The following VPS33A variants were observed in gnomAD, a reference collection of about 807,000 sequenced individuals.
VPS33A encodes VPS33A core subunit of CORVET and HOPS complexes.
VPS33A carries 32 observed loss-of-function variants against 71.8 expected under a neutral mutation model. The observed-to-expected ratio is 0.45, with a 90% confidence interval of 0.34 to 0.60. The LOEUF (loss-of-function observed/expected upper bound fraction) is 0.60, where lower values mean the gene tolerates loss of function less well. Among genes scored for constraint, VPS33A ranks in the 20% least tolerant of loss-of-function variants. The pLI, the probability that VPS33A is intolerant of heterozygous loss-of-function variation, is 0.02. For synonymous variants in VPS33A, 311 were observed against 292.7 expected, an observed-to-expected ratio of 1.06 and a Z score of -0.64; for missense variants, 625 against 748.5, an observed-to-expected ratio of 0.84 and a Z score of 1.92.
At position 122,232,661 on chromosome 12, in the gene VPS33A, A is replaced by G. The variant is rs549404707; in HGVS notation, c.1609+139T>C. On this transcript the variant is annotated intron_variant, in intron 12 of 12. Transcript: ENST00000267199. ...GAATAATCCGATTCGAGTTCTTACT[A>G]CATACATTAGCAACGAACAAAAGAG... The G allele has an allele frequency of 4.3e-6, 5 of 1,167,276 alleles. No individual in the cohort carries two copies. The South Asian group carries it at 7.9e-5, about 18-fold the overall frequency. 72.3% of individuals were successfully genotyped at this position (1,167,276 alleles called of 1,614,324 possible).
intron 4 of VPS33A, among the ~76,000 whole-genome samples, chr12:122,256,075 C>T (rs1356270486): frequency 2.0e-5 from 3 of 152,096 alleles, no homozygotes; most frequent in Non-Finnish European, 4.4e-5. Flanking sequence ...GGATTACGGG[C>T]ATGAACCACT....
At chr12:122,261,088 C>T (rs1292638291) in intron 4 of VPS33A, among the ~76,000 whole-genome samples, 173 bp downstream of exon 4, 1 of 152,152 alleles carries the variant, frequency 6.6e-6, no homozygotes, top group Non-Finnish European at 1.5e-5. Context: ...CAAAGAATTA[C>T]TCAAAAAGAA....
Position 122,264,156 on chromosome 12 carries a change from A to G in VPS33A, c.146T>C (p.Ile49Thr). 1 of 1,564,478 alleles carries G rather than the reference A, an allele frequency of 6.4e-7. No individual in the cohort carries two copies. The highest frequency in any genetic ancestry group is 1.2e-5 in the South Asian group (1 of 83,392). ...TACCTTCAATAGTGAATACTGTGCA[A>G]TCAGGCCAAAGGGTCCAGTTAGGTA... ...DEYLTGPFGL[I>T]AQYSLLKEHE... The change falls in exon 2 of 13, where the codon ATT becomes ACT. Residue 49 changes from isoleucine (I) to threonine (T), a missense_variant. Transcript: ENST00000267199.
intron 4 of VPS33A, among the ~76,000 whole-genome samples, chr12:122,254,938 C>T (rs879428591): frequency 3.3e-5 from 5 of 151,886 alleles, no homozygotes; most frequent in Middle Eastern, 3.4e-3. Flanking sequence ...GTAGTCCCAG[C>T]TACTCAGGAG....
chr12:122,250,544 T>G (rs1010541568), intron 5 of VPS33A, among the ~76,000 whole-genome samples: 1 of 152,200 alleles, frequency 6.6e-6, no homozygotes, highest in Admixed American at 6.5e-5. Context: ...CTGACACACG[T>G]AATGTCTCCG....
chr12:122,254,951 TGAG>T (rs1954896376), intron 4 of VPS33A, among the ~76,000 whole-genome samples: 1 of 150,652 alleles, frequency 6.6e-6, no homozygotes, highest in Non-Finnish European at 1.5e-5. Context: ...CTCAGGAGGC[TGAG>T]GCAGGAGAAT....
In VPS33A at chr12:122,240,800, T is replaced by C. The variant is rs77808395; in HGVS notation, c.1097-855A>G. 2.2e-3 allele frequency among the ~76,000 whole-genome samples: 330 copies of C among 152,294 alleles called. 3 individuals carry two copies. The highest frequency in any genetic ancestry group is 7.7e-3 in the African/African-American group (321 of 41,572). On this transcript the variant is annotated intron_variant, in intron 8 of 12. Coordinates refer to ENST00000267199, the MANE Select transcript of VPS33A (RefSeq NM_022916.6). ...CTCTTTGTACCAATTCTGCACAGAA[T>C]ATTCAAGGGAAGAACATGCGCCAAT...
rs1305360946 is a variant in VPS33A, at chr12:122,231,921, G to A, written c.*325C>T. ...AAAATACAAAAATTAGCCGGGTGTG[G>A]TGGTGCATGCCTGTAGTCCCAGCTA... On this transcript the variant is annotated 3_prime_UTR_variant, in exon 13 of 13. Coordinates refer to ENST00000267199, the MANE Select transcript of VPS33A (RefSeq NM_022916.6). 7.7e-6 allele frequency: 3 copies of A among 388,762 alleles called. No homozygotes were observed. Among genetic ancestry groups the A allele is most frequent in the Non-Finnish European group, 1.4e-5 (3 of 220,780 alleles). 24.1% of individuals were successfully genotyped at this position (388,762 alleles called of 1,614,324 possible). A position where few individuals can be genotyped will look rare whatever the true frequency, so the allele number is the denominator to read the frequency against.
intron 3 of VPS33A, 21 bp downstream of exon 3, chr12:122,263,549 ATC>A: frequency 1.3e-6 from 2 of 1,577,448 alleles, no homozygotes; most frequent in East Asian, 4.5e-5. Flanking sequence ...ACTCTTTTGG[ATC>A]AAACACAAGC....
intron 6 of VPS33A, among the ~76,000 whole-genome samples, chr12:122,246,311 T>A (rs1453278136): frequency 2.0e-5 from 3 of 152,068 alleles, no homozygotes; most frequent in African/African-American, 7.3e-5. Flanking sequence ...TATTTATTTA[T>A]TTATTTAAGA....
chr12:122,241,290 CCT>C (rs1954710725), intron 8 of VPS33A, among the ~76,000 whole-genome samples: 2 of 152,026 alleles, frequency 1.3e-5, no homozygotes, highest in Non-Finnish European at 1.5e-5. Context: ...ATGGACCCTT[CCT>C]CTCTTTCTCT....
intron 6 of VPS33A, chr12:122,248,538 A>T (rs1018578027): frequency 2.0e-5 from 3 of 152,172 alleles, no homozygotes; most frequent in Non-Finnish European, 2.9e-5. Flanking sequence ...TGATCTACCT[A>T]ATCACCCACC....
intron 4 of VPS33A, among the ~76,000 whole-genome samples, chr12:122,251,404 C>T (rs555627691): frequency 1.1e-4 from 16 of 152,246 alleles, no homozygotes; most frequent in Admixed American, 4.6e-4. Flanking sequence ...AAATAAAAGA[C>T]GGAAGAATAC....
At position 122,242,548 on chromosome 12, in the gene VPS33A, T is replaced by TA. The variant is rs766640760; in HGVS notation, c.970-41dup. 1.8e-5 allele frequency: 29 copies of TA among 1,568,392 alleles called. No individual in the cohort carries two copies. The African/African-American group carries it at 3.8e-4, about 21-fold the overall frequency. ...AGAGCAGTGCCTCAAGCAGGGAAGA[T>TA]AGTTTATTTATTTTATTTTTTTGAG... On this transcript the variant is annotated intron_variant, in intron 7 of 12. Transcript: ENST00000267199.
chr12:122,254,519 C>T (rs1394724235), intron 4 of VPS33A, among the ~76,000 whole-genome samples: 2 of 151,294 alleles, frequency 1.3e-5, no homozygotes, highest in Non-Finnish European at 2.9e-5. Flanking sequence ...TCTCCTGCCT[C>T]AGTCTGCGAA....
chr12:122,243,393 C>CAG (rs1304552177), intron 7 of VPS33A, among the ~76,000 whole-genome samples: 2 of 147,416 alleles, frequency 1.4e-5, no homozygotes, highest in Non-Finnish European at 2.9e-5. Context: ...CGCCACTGCC[C>CAG]AGCTAGTTAA....
chr12:122,237,006 T>G (rs1164841511), intron 10 of VPS33A, among the ~76,000 whole-genome samples: 1 of 152,218 alleles, frequency 6.6e-6, no homozygotes, highest in Admixed American at 6.5e-5. Context: ...TTGCTCTGTG[T>G]ACTTCTGCAT....
At chr12:122,233,497 A>T (rs924293810) in intron 11 of VPS33A, among the ~76,000 whole-genome samples, 3 of 152,156 alleles carry the variant, frequency 2.0e-5, no homozygotes, top group African/African-American at 7.2e-5. Flanking sequence ...AAGTGTTGGG[A>T]TTACAGGCCT....
intron 11 of VPS33A, among the ~76,000 whole-genome samples, chr12:122,233,632 G>A (rs1240289997): frequency 6.6e-6 from 1 of 152,186 alleles, no homozygotes; most frequent in African/African-American, 2.4e-5. Flanking sequence ...CTACAGAGGT[G>A]CTTGCAGAAC....
Sources: gnomAD v4.1 joint callset for allele counts (sites outside exome capture counted in the v4.1 genomes callset) on GRCh38, gnomAD v4.1.1 for gene constraint, MANE v1.5 for transcripts, NCBI Gene and HGNC (gene_info 2026-07-23, HGNC 2026-07-21) for gene names.